The following DST variants were observed in gnomAD, a reference collection of about 807,000 sequenced individuals.
DST encodes bullous pemphigoid antigen.
A neutral mutation model predicts 875.2 loss-of-function variants in DST; 253 were observed. The ratio of observed to expected loss-of-function variants is 0.29; its 90% confidence interval spans 0.26 to 0.32. The LOEUF (loss-of-function observed/expected upper bound fraction) is 0.32. DST is among the 10% of genes least tolerant of loss of function. The pLI, the probability that DST is intolerant of heterozygous loss-of-function variation, is 1.00. For synonymous variants in DST, 3,124 were observed against 3,197.1 expected (o/e 0.98, Z 0.77); for missense variants, 8,287 against 9,111.6 (o/e 0.91, Z 3.68).
At chr6:56,589,401 A>C (rs1448230525) in intron 49 of DST, among the ~76,000 whole-genome samples, 1 of 152,190 alleles carries the variant, frequency 6.6e-6, no homozygotes, top group Non-Finnish European at 1.5e-5. Flanking sequence ...TGGAAAAAAA[A>C]CTGTTAATTA....
At chr6:56,499,430 CA>C (rs1562386806) in intron 80 of DST, among the ~76,000 whole-genome samples, 1 of 152,070 alleles carries the variant, frequency 6.6e-6, no homozygotes, top group African/African-American at 2.4e-5. Flanking sequence ...CTCTCAGAAT[CA>C]AAAAGTTAAA....
chr6:56,507,431 G>A (rs769752681), intron 75 of DST, among the ~76,000 whole-genome samples: 4 of 152,178 alleles, frequency 2.6e-5, no homozygotes, highest in Non-Finnish European at 4.4e-5. Flanking sequence ...CACTACAGCA[G>A]GAAAGACAGA....
intron 4 of DST, among the ~76,000 whole-genome samples, chr6:56,825,035 T>A (rs1425602257): frequency 6.6e-6 from 1 of 152,120 alleles, no homozygotes; most frequent in Non-Finnish European, 1.5e-5. Context: ...ATGATGACAA[T>A]GGCGGTTTTG....
chr6:56,861,693 A>G (rs1039622120), intron 3 of DST: 1 of 152,270 alleles, frequency 6.6e-6, no homozygotes, highest in African/African-American at 2.4e-5. Context: ...GCTATATGGC[A>G]GGACGGGAAG....
intron 12 of DST, 77 bp from the exon 13 acceptor site, chr6:56,648,766 T>A: frequency 2.4e-6 from 3 of 1,253,896 alleles, no homozygotes; most frequent in Non-Finnish European, 3.3e-6. Flanking sequence ...TAGTCAGAAG[T>A]CATTCTGTAA....
Position 56,532,331 on chromosome 6 carries a change from G to T in DST, c.17108+13C>A. The T allele has an allele frequency of 6.2e-7, 1 of 1,612,004 alleles. No homozygotes were observed. The highest frequency in any genetic ancestry group is 8.5e-7 in the Non-Finnish European group (1 of 1,178,764). On this transcript the variant is annotated intron_variant, in intron 64 of 103. Coordinates refer to ENST00000680361, the MANE Select transcript of DST (RefSeq NM_001374736.1). Reference sequence around the variant, plus strand: ...TGCTACTCTTTCAAAAGAACTGGAAGTATATAAGTTACCTTGTTTCAGCTT... The same window carrying T: ...TGCTACTCTTTCAAAAGAACTGGAATTATATAAGTTACCTTGTTTCAGCTT...
At position 56,651,260 on chromosome 6, in the gene DST, CTG is replaced by C. The variant is rs2098974182; in HGVS notation, c.1215-18_1215-17del. 1.3e-6 allele frequency: 2 copies of C among 1,529,494 alleles called. No homozygotes were observed. Among genetic ancestry groups the C allele is most frequent in the East Asian group, 2.3e-5 (1 of 43,262 alleles). The allele number at this position is 1,529,494 out of a possible 1,614,324, so 94.7% of individuals were successfully genotyped here. A position where few individuals can be genotyped will look rare whatever the true frequency, so the allele number is the denominator to read the frequency against. On this transcript the variant is annotated splice_polypyrimidine_tract_variant and intron_variant, in intron 10 of 103. Coordinates refer to ENST00000680361, the MANE Select transcript of DST (RefSeq NM_001374736.1). ...CAGGTCCGGCCTAGGAAAAAATTCA[CTG>C]TGTTAATTAGGTTTTCTCATGTGCC...
intron 36 of DST, chr6:56,616,862 G>C: frequency 6.2e-7 from 1 of 1,614,018 alleles, no homozygotes; most frequent in African/African-American, 1.3e-5. Context: ...TCTGAATTCG[G>C]GGTCAACAAC....
intron 63 of DST, among the ~76,000 whole-genome samples, chr6:56,533,850 T>G (rs1399456117): frequency 3.3e-5 from 5 of 152,078 alleles, no homozygotes; most frequent in African/African-American, 4.8e-5. Flanking sequence ...TCTAGGGAGA[T>G]AGTATTAAAT....
intron 23 of DST, 140 bp downstream of exon 23, chr6:56,636,417 C>CATAT: frequency 1.5e-6 from 1 of 677,808 alleles, no homozygotes; most frequent in Non-Finnish European, 2.6e-6. Context: ...TATATACACA[C>CATAT]ATATATGTGT....
At chr6:56,550,250 T>G (rs561888674) in intron 61 of DST, among the ~76,000 whole-genome samples, 28 of 152,312 alleles carry the variant, frequency 1.8e-4, no homozygotes, top group African/African-American at 6.5e-4. Context: ...AACTTTTTTT[T>G]CAAGTCACTG....
At chr6:56,767,482 T>C (rs2099636527) in intron 4 of DST, among the ~76,000 whole-genome samples, 1 of 152,006 alleles carries the variant, frequency 6.6e-6, no homozygotes, top group African/African-American at 2.4e-5. Context: ...CGTGGCATGG[T>C]GTTGCACATC....
At chr6:56,585,793 T>A (rs984474898) in intron 49 of DST, among the ~76,000 whole-genome samples, 17 of 152,086 alleles carry the variant, frequency 1.1e-4, no homozygotes, top group African/African-American at 3.9e-4. Flanking sequence ...TGGTATGTTG[T>A]GTCTTTGTTC....
At chr6:56,875,904 C>T (rs559718653) in intron 3 of DST, among the ~76,000 whole-genome samples, 2 of 152,318 alleles carry the variant, frequency 1.3e-5, no homozygotes, top group East Asian at 3.9e-4. Flanking sequence ...CCCGCCTAGT[C>T]AACTCTTTTC....
At chr6:56,841,788 A>G (rs2153073789) in intron 4 of DST, among the ~76,000 whole-genome samples, 1 of 152,262 alleles carries the variant, frequency 6.6e-6, no homozygotes, top group Admixed American at 6.5e-5. Context: ...TACAAACCTT[A>G]CTTTAAAATG....
At chr6:56,618,892 G>C in intron 36 of DST, 2 of 1,614,042 alleles carry the variant, frequency 1.2e-6, no homozygotes, top group Non-Finnish European at 1.7e-6. Flanking sequence ...TTTTCAACCT[G>C]TTATTTAACT....
intron 4 of DST, among the ~76,000 whole-genome samples, chr6:56,763,722 C>CACACAT (rs1363678749): frequency 6.9e-6 from 1 of 144,168 alleles, no homozygotes; most frequent in Non-Finnish European, 1.5e-5. Context: ...CACACACACA[C>CACACAT]ACATATAGGG....
Position 56,528,874 on chromosome 6 carries a change from G to A in DST, c.17647C>T (p.Leu5883=). 1 of 1,586,556 alleles carries A rather than the reference G, an allele frequency of 6.3e-7. No homozygotes were observed. Among genetic ancestry groups the A allele is most frequent in the East Asian group, 2.3e-5 (1 of 44,366 alleles). Residue 5883 remains leucine (L), a synonymous_variant, in exon 67 of 104, where the codon CTA becomes TTA. Coordinates refer to ENST00000680361, the MANE Select transcript of DST (RefSeq NM_001374736.1). ...TGTTTAAGTAGTTCTAAACCATTTA[G>A]TAAAGCCTGATCTACATTTTGTTTC... ...LRKQNVDQAL[L]NGLELLKQTT... is the part of the protein sequence containing the mutation.
In DST at chr6:56,824,860, G is replaced by A. The variant is rs549260824; in HGVS notation, c.625+26537C>T. Among the ~76,000 whole-genome samples the A allele has an allele frequency of 1.6e-3, 236 of 151,276 alleles. 1 individual carries two copies. The highest frequency in any genetic ancestry group is 4.8e-3 in the African/African-American group (200 of 41,276). On this transcript the variant is annotated intron_variant, in intron 4 of 103. Coordinates refer to ENST00000680361, the MANE Select transcript of DST (RefSeq NM_001374736.1). ...AGCGTCTCCGCCCCGCAGCCACCCCGTCCGGGAGGGAGGTGGGGGGGTCAG... is the reference window on the plus strand; with the variant it reads ...AGCGTCTCCGCCCCGCAGCCACCCCATCCGGGAGGGAGGTGGGGGGGTCAG...
Sources: allele counts gnomAD v4.1 joint callset (sites outside exome capture counted in the v4.1 genomes callset), GRCh38; gene constraint gnomAD v4.1.1; transcripts MANE v1.5; gene names NCBI Gene and HGNC (gene_info 2026-07-23, HGNC 2026-07-21).